Variants in PCSK5 observed in about 807,000 individuals in gnomAD.
PCSK5 encodes prohormone convertase 5.
In PCSK5, 129 loss-of-function variants were observed where a neutral mutation model predicts 233.2. The ratio of observed to expected loss-of-function variants is 0.55; its 90% CI spans 0.48 to 0.64. The LOEUF (loss-of-function observed/expected upper bound fraction) is 0.64. Ranked by LOEUF, PCSK5 falls within the 30% of genes least tolerant of loss-of-function variation. The pLI is 0.00. For synonymous variants in PCSK5, 825 were observed against 879.2 expected, an observed-to-expected ratio of 0.94 and a Z score of 1.09; for missense variants, 2,076 against 2,430.1, an observed-to-expected ratio of 0.85 and a Z score of 3.06.
intron 10 of PCSK5, among the ~76,000 whole-genome samples, chr9:76,154,502 C>T (rs1823803569): frequency 2.0e-5 from 3 of 152,106 alleles, no homozygotes; most frequent in Admixed American, 6.6e-5. Flanking sequence ...AGGTGGGGCA[C>T]GTACCTGGTA....
chr9:75,932,620 T>A (rs1823862230), intron 2 of PCSK5, 137 bp downstream of exon 2: 1 of 625,058 alleles, frequency 1.6e-6, no homozygotes. Context: ...GTCTAGTGTC[T>A]ATGCTTCCTC....
intron 8 of PCSK5, among the ~76,000 whole-genome samples, chr9:76,097,713 G>T (rs1288952346): frequency 6.6e-6 from 1 of 152,196 alleles, no homozygotes; most frequent in Non-Finnish European, 1.5e-5. Context: ...CATAGTTCAT[G>T]GAGTCATTAC....
rs1479265001 is a variant in PCSK5, at chr9:76,355,389, C to T, written c.5254+1170C>T. 9.9e-5 allele frequency among the ~76,000 whole-genome samples: 15 copies of T among 152,146 alleles called. No individual in the cohort carries two copies. In the East Asian group the frequency reaches 2.3e-3, roughly 24 times the overall value. ...TCAGGAGGCTGAGGCAAGAGAATGGCGTGAACCCGGGAGGCAGAGCTCGCA... is the reference window on the plus strand; with the variant it reads ...TCAGGAGGCTGAGGCAAGAGAATGGTGTGAACCCGGGAGGCAGAGCTCGCA... On this transcript the variant is annotated intron_variant, in intron 37 of 37. Coordinates refer to ENST00000674117, the MANE Select transcript of PCSK5 (RefSeq NM_001372043.1).
At chr9:76,169,362 A>G (rs1464307997) in intron 12 of PCSK5, among the ~76,000 whole-genome samples, 2 of 152,024 alleles carry the variant, frequency 1.3e-5, no homozygotes, top group South Asian at 2.1e-4. Context: ...TTGCACTCCT[A>G]TCAGCAGTAT....
rs761824476 is a variant in PCSK5, at chr9:76,323,159, G to A, written c.4210G>A (p.Glu1404Lys). ...TGTCCCCTGCCATAAAGACTGTCTG[G>A]AGTGCAGTGGCCCCAAAGCCGACGA... is the stretch of plus-strand genomic sequence containing the variant. Reference protein sequence around the residue: ...HCVPCHKDCLECSGPKADDCE... With the variant: ...HCVPCHKDCLKCSGPKADDCE... Residue 1404 changes from glutamate to lysine, a missense_variant, in exon 32 of 38, where the codon GAG becomes AAG. Transcript: ENST00000674117. 60 of 1,612,410 alleles carry A rather than the reference G, an allele frequency of 3.7e-5. No homozygotes were observed. Among genetic ancestry groups the A allele is most frequent in the Non-Finnish European group, 4.6e-5 (54 of 1,179,598 alleles).
Position 76,359,113 on chromosome 9 carries a change from A to G in PCSK5, c.*191A>G, listed in dbSNP as rs1830378458. ...TTCTTTTGAGTGGCTAAACTCAATT[A>G]ACAGTTCCTGTTCAACCGTAATTGA... On this transcript the variant is annotated 3_prime_UTR_variant, in exon 38 of 38. Coordinates refer to ENST00000674117, the MANE Select transcript of PCSK5 (RefSeq NM_001372043.1). 1 of 578,982 alleles carries G rather than the reference A, an allele frequency of 1.7e-6. No individual in the cohort carries two copies. Among genetic ancestry groups the G allele is most frequent in the East Asian group, 2.8e-5 (1 of 35,828 alleles). 35.9% of individuals were successfully genotyped at this position (578,982 alleles called of 1,614,324 possible). A position where few individuals can be genotyped will look rare whatever the true frequency, so the allele number is the denominator to read the frequency against.
At chr9:76,234,330 A>G (rs1322657093) in intron 22 of PCSK5, among the ~76,000 whole-genome samples, 1 of 152,116 alleles carries the variant, frequency 6.6e-6, no homozygotes, top group Non-Finnish European at 1.5e-5. Context: ...GCATTTCCCA[A>G]ATCATTACCT....
intron 7 of PCSK5, among the ~76,000 whole-genome samples, chr9:76,086,441 A>G (rs1831067217): frequency 6.6e-6 from 1 of 152,146 alleles, no homozygotes; most frequent in Non-Finnish European, 1.5e-5. Flanking sequence ...GGAAGGAGTG[A>G]CCGGAAGTTA....
intron 24 of PCSK5, among the ~76,000 whole-genome samples, chr9:76,251,968 T>C (rs1454061768): frequency 6.6e-6 from 1 of 151,340 alleles, no homozygotes; most frequent in Admixed American, 6.6e-5. Context: ...TTTTTTGCAA[T>C]TATAAAAAGA....
intron 2 of PCSK5, among the ~76,000 whole-genome samples, chr9:75,934,132 G>C (rs1823940553): frequency 6.6e-6 from 1 of 152,156 alleles, no homozygotes; most frequent in Non-Finnish European, 1.5e-5. Context: ...AGGACACATA[G>C]TACCTGGAAT....
chr9:76,278,089 G>C (rs375755125), intron 24 of PCSK5, among the ~76,000 whole-genome samples: 1 of 152,160 alleles, frequency 6.6e-6, no homozygotes, highest in Non-Finnish European at 1.5e-5. Flanking sequence ...CTCAACAGGG[G>C]TGGACATGCT....
At chr9:76,351,452 GAAAGAAAGAAAGAAAGAAAGAAA>G (rs1830126765) in intron 36 of PCSK5, among the ~76,000 whole-genome samples, 2 of 25,014 alleles carry the variant, frequency 8.0e-5, no homozygotes, top group Admixed American at 5.9e-4. Flanking sequence ...AGAAAGGAAA[GAAAGAAAGAAAGAAAGAAAGAAA>G]GAAAGAAAGA....
At chr9:75,941,576 AC>A (rs1824306845) in intron 2 of PCSK5, among the ~76,000 whole-genome samples, 1 of 152,122 alleles carries the variant, frequency 6.6e-6, no homozygotes, top group Non-Finnish European at 1.5e-5. Context: ...GTTTCTGGCT[AC>A]CTTTTTTGCC....
chr9:76,163,285 C>T (rs769563963), intron 12 of PCSK5, among the ~76,000 whole-genome samples: 2 of 152,290 alleles, frequency 1.3e-5, no homozygotes, highest in Admixed American at 6.5e-5. Context: ...CTGTGTGGGC[C>T]GTCTGGAGCC....
intron 21 of PCSK5, among the ~76,000 whole-genome samples, chr9:76,228,479 T>C (rs1052770260): frequency 3.3e-5 from 5 of 152,352 alleles, no homozygotes; most frequent in African/African-American, 1.2e-4. Context: ...ATCTTTGATC[T>C]CTAGTACCTA....
At chr9:76,143,022 A>G (rs548452219) in intron 10 of PCSK5, among the ~76,000 whole-genome samples, 56 of 152,350 alleles carry the variant, frequency 3.7e-4, no homozygotes, top group African/African-American at 1.3e-3. Context: ...ATGATTATGA[A>G]TTATATTAAT....
At chr9:76,072,491 C>T (rs994391876) in intron 7 of PCSK5, among the ~76,000 whole-genome samples, 1 of 152,068 alleles carries the variant, frequency 6.6e-6, no homozygotes, top group Non-Finnish European at 1.5e-5. Flanking sequence ...CTTAAGAAAC[C>T]CTGTCTCATT....
chr9:76,050,777 A>G (rs1399012931), intron 5 of PCSK5, among the ~76,000 whole-genome samples: 3 of 152,206 alleles, frequency 2.0e-5, no homozygotes, highest in Non-Finnish European at 4.4e-5. Context: ...ATTAGGCCAC[A>G]GGAGGTAATT....
At chr9:76,095,823 G>C in intron 7 of PCSK5, 67 bp from the exon 8 acceptor site, 1 of 1,448,036 alleles carries the variant, frequency 6.9e-7, no homozygotes, top group Admixed American at 1.7e-5. Context: ...GTTTGGCTCA[G>C]TGGATTCTGA....
Sources: gnomAD v4.1 joint callset for allele counts (sites outside exome capture counted in the v4.1 genomes callset) on GRCh38, gnomAD v4.1.1 for gene constraint, MANE v1.5 for transcripts, NCBI Gene and HGNC (gene_info 2026-07-23, HGNC 2026-07-21) for gene names.